DHX30: variants seen among roughly 807,000 people sequenced by gnomAD.
The protein encoded by DHX30 is ATP-dependent RNA helicase DHX30.
Under a neutral mutation model 116.9 loss-of-function variants are expected in DHX30, and 4 were observed. The observed-to-expected ratio is 0.03, with a 90% CI of 0.02 to 0.08. The LOEUF is 0.08. DHX30 is among the 10% of genes least tolerant of loss of function. The pLI, the probability that DHX30 is intolerant of heterozygous loss-of-function variation, is 1.00. For missense variants in DHX30, 871 were observed against 1,595.1 expected (o/e 0.55, Z 7.73); for synonymous variants, 697 against 651.7 (o/e 1.07, Z -1.06).
chr3:47,835,114 C>T (rs1266293699), intron 6 of DHX30, among the ~76,000 whole-genome samples: 2 of 151,606 alleles, frequency 1.3e-5, no homozygotes, highest in African/African-American at 4.8e-5. Context: ...AGCAATTCTC[C>T]TGCCTCAGCC....
rs573993864 is a variant in DHX30, at chr3:47,816,561, T to C, written c.29-1461T>C. 1,337 of 955,640 alleles carry C rather than the reference T, an allele frequency of 1.4e-3. 2 individuals are homozygous for C. Among genetic ancestry groups the C allele is most frequent in the Non-Finnish European group, 1.6e-3 (1,248 of 803,056 alleles). 59.2% of individuals were successfully genotyped at this position (955,640 alleles called of 1,614,324 possible). A position where few individuals can be genotyped will look rare whatever the true frequency, so the allele number is the denominator to read the frequency against. ...TTAGTAGAGACGGGGTTTCACCATG[T>C]TGGCCAGGATGGTCTCGATCTCTTG... On this transcript the variant is annotated intron_variant, in intron 3 of 21. Transcript: ENST00000445061.
At chr3:47,811,710 G>A (rs2035796710) in intron 3 of DHX30, among the ~76,000 whole-genome samples, 1 of 152,124 alleles carries the variant, frequency 6.6e-6, no homozygotes, top group Non-Finnish European at 1.5e-5. Context: ...GCGGGAGCAG[G>A]CGTGTCACGT....
Position 47,827,453 on chromosome 3 carries a change from G to T in DHX30, c.231G>T (p.Val77=), listed in dbSNP as rs747884494. Reference sequence around the variant, plus strand: ...ATGCAAAAGACAAACTAGTCTACGTGCACACAAATGGACCGAAGAAAAAGG... The same window carrying T: ...ATGCAAAAGACAAACTAGTCTACGTTCACACAAATGGACCGAAGAAAAAGG... ...ISHAKDKLVY[V]HTNGPKKKKV... The change falls in exon 5 of 22, where the codon GTG becomes GTT. Residue 77 remains valine, a synonymous_variant. Coordinates refer to ENST00000445061, the MANE Select transcript of DHX30 (RefSeq NM_138615.3). 2 of 1,613,452 alleles carry T rather than the reference G, an allele frequency of 1.2e-6. No individual in the cohort carries two copies. Among genetic ancestry groups the T allele is most frequent in the African/African-American group, 2.7e-5 (2 of 74,850 alleles).
At chr3:47,825,307 C>T in intron 4 of DHX30, 1 of 540,594 alleles carries the variant, frequency 1.8e-6, no homozygotes, top group East Asian at 3.5e-5. Context: ...GATGGCAGAG[C>T]TAGGGGCGCG....
chr3:47,848,040 C>G lies in DHX30; in HGVS notation c.2286+84C>G. 6.3e-7 allele frequency: 1 copy of G among 1,589,636 alleles called. No individual in the cohort carries two copies. Among genetic ancestry groups the G allele is most frequent in the Non-Finnish European group, 8.6e-7 (1 of 1,163,374 alleles). ...GTCCCCAGCCCAGATCTACCTTAGA[C>G]CTGCTTTGTGTGTCTTCAGAAGGCC... On this transcript the variant is annotated intron_variant, in intron 14 of 21. Coordinates refer to ENST00000445061, the MANE Select transcript of DHX30 (RefSeq NM_138615.3). The surrounding 1 kb of genome is among the most constrained non-coding windows in gnomAD (Gnocchi z 9.4).
At position 47,848,945 on chromosome 3, in the gene DHX30, G is replaced by C; in HGVS notation, c.2795G>C (p.Ser932Thr). The change falls in exon 18 of 22, where the codon AGC (serine) becomes ACC (threonine). Residue 932 changes from serine (S) to threonine (T), a missense_variant. This residue lies in a region of DHX30 where 238 missense variants were observed against 481.0 expected (regional missense o/e 0.49). Coordinates refer to ENST00000445061, the MANE Select transcript of DHX30 (RefSeq NM_138615.3). This position sits in a 1 kb window ranked among gnomAD's most constrained non-coding sequence, Gnocchi z 9.4. ...GTGAAAGCACTGTTGAGCCATGACA[G>C]CGGCAGTGACCACCTGGCCTTTGTG... Reference protein sequence around the residue: ...DKVKALLSHDSGSDHLAFVRA... With the variant: ...DKVKALLSHDTGSDHLAFVRA... 3 of 1,611,272 alleles carry C rather than the reference G, an allele frequency of 1.9e-6. No homozygotes were observed. Among genetic ancestry groups the C allele is most frequent in the Non-Finnish European group, 2.5e-6 (3 of 1,178,242 alleles).
intron 6 of DHX30, among the ~76,000 whole-genome samples, chr3:47,834,579 C>T (rs1476618275): frequency 6.6e-6 from 1 of 152,108 alleles, no homozygotes; most frequent in African/African-American, 2.4e-5. Flanking sequence ...AAGAGATCCT[C>T]CCACCTCAAC....
chr3:47,834,899 A>G (rs1457338287), intron 6 of DHX30, among the ~76,000 whole-genome samples: 2 of 152,206 alleles, frequency 1.3e-5, no homozygotes, highest in East Asian at 1.9e-4. Context: ...AGACATCCCT[A>G]TGAGCTGATG....
At chr3:47,829,310 ATATATTTTTT>A (rs1344073574) in intron 6 of DHX30, among the ~76,000 whole-genome samples, 176 bp downstream of exon 6, 2 of 25,682 alleles carry the variant, frequency 7.8e-5, no homozygotes, top group African/African-American at 1.9e-4. Flanking sequence ...ATATATATAT[ATATATTTTTT>A]TTTTTTTTTT....
rs2037364068 is a variant in DHX30 at position 47,841,275 on chromosome 3, C to A, written c.668+97C>A. 5.4e-6 allele frequency: 8 copies of A among 1,494,914 alleles called. No homozygotes were observed. In the South Asian group the frequency reaches 8.6e-5, roughly 16 times the overall value. The allele number at this position is 1,494,914 out of a possible 1,614,324, so 92.6% of individuals were successfully genotyped here. On this transcript the variant is annotated intron_variant, in intron 7 of 21. Coordinates refer to ENST00000445061, the MANE Select transcript of DHX30 (RefSeq NM_138615.3). ...CTAGCTTTCTCTGAGATGGGAGCGC[C>A]CCTGCCTCACATTTCAGCCTGTGTG...
chr3:47,824,162 C>A (rs2036428438), intron 4 of DHX30, among the ~76,000 whole-genome samples: 1 of 151,932 alleles, frequency 6.6e-6, no homozygotes, highest in Non-Finnish European at 1.5e-5. Flanking sequence ...GACACTATGC[C>A]CGGCTAATTT....
intron 4 of DHX30, among the ~76,000 whole-genome samples, chr3:47,822,675 C>T: frequency 6.6e-6 from 1 of 151,962 alleles, no homozygotes. Context: ...GTACCAGCTG[C>T]TTGGGAGACT....
chr3:47,821,295 C>T (rs577578499), intron 4 of DHX30, among the ~76,000 whole-genome samples: 6 of 149,810 alleles, frequency 4.0e-5, no homozygotes, highest in Non-Finnish European at 7.4e-5. Context: ...GATGGAGTTT[C>T]GCTCTTGTTG....
intron 2 of DHX30, among the ~76,000 whole-genome samples, chr3:47,808,001 C>G (rs2035611023): frequency 6.6e-6 from 1 of 152,042 alleles, no homozygotes; most frequent in Non-Finnish European, 1.5e-5. Context: ...ACGTCCACCT[C>G]CTGGGTTCAA....
rs1341862303 is a variant in DHX30, at chr3:47,848,972, G to A, written c.2822G>A (p.Arg941Gln). Reference sequence around the variant, plus strand: ...GGCAGTGACCACCTGGCCTTTGTGCGGGCTGTCGCCGGCTGGGAGGAGGTG... The same window carrying A: ...GGCAGTGACCACCTGGCCTTTGTGCAGGCTGTCGCCGGCTGGGAGGAGGTG... The part of the protein sequence containing the change: ...DSGSDHLAFV[R>Q]AVAGWEEVLR... The change falls in exon 18 of 22, where the codon CGG (arginine) becomes CAG (glutamine). Residue 941 changes from arginine to glutamine, a missense_variant. Physicochemically the swap from Arg to Gln is conservative, Grantham distance 43 (BLOSUM62 1). Transcript: ENST00000445061. This position sits in a 1 kb window ranked among gnomAD's most constrained non-coding sequence, Gnocchi z 9.4. 4 of 1,613,336 alleles carry A rather than the reference G, an allele frequency of 2.5e-6. No homozygotes were observed. The highest frequency in any genetic ancestry group is 1.1e-5 in the South Asian group (1 of 90,944).
chr3:47,842,016 T>C (rs190767000), intron 8 of DHX30: 1 of 409,512 alleles, frequency 2.4e-6, no homozygotes, highest in East Asian at 4.4e-5. Context: ...GAGGTGTGGG[T>C]CTTGGTGAGG....
chr3:47,845,789 C>T lies in DHX30; in HGVS notation c.1029C>T (p.Arg343=), dbSNP rs2037578071. The T allele has an allele frequency of 3.1e-6, 5 of 1,612,724 alleles. No homozygotes were observed. The highest frequency in any genetic ancestry group is 1.3e-5 in the African/African-American group (1 of 75,038). The change falls in exon 10 of 22, where the codon CGC becomes CGT. Residue 343 remains arginine (R), a synonymous_variant. Coordinates refer to ENST00000445061, the MANE Select transcript of DHX30 (RefSeq NM_138615.3). ...ASLRELGETQ[R]RPCTIQVPEP... is the part of the protein sequence containing the mutation. ...TGCGTGAGCTGGGTGAGACCCAGCG[C>T]CGACCATGCACCATCCAGGTGCCCG...
intron 2 of DHX30, among the ~76,000 whole-genome samples, chr3:47,809,809 C>A (rs1199623797): frequency 6.6e-6 from 1 of 152,136 alleles, no homozygotes; most frequent in African/African-American, 2.4e-5. Context: ...GGACATGATT[C>A]TGATTGGCTA....
At chr3:47,841,457 T>TG (rs142808960) in intron 7 of DHX30, among the ~76,000 whole-genome samples, 160 bp from the exon 8 acceptor site, 1 of 152,236 alleles carries the variant, frequency 6.6e-6, no homozygotes, top group African/African-American at 2.4e-5. Context: ...GCAGTGTGGC[T>TG]GTGGGAGGAG....
Sources: allele counts gnomAD v4.1 joint callset (sites outside exome capture counted in the v4.1 genomes callset), GRCh38; gene constraint gnomAD v4.1.1; regional missense constraint gnomAD v4.1.1; non-coding constraint Gnocchi (gnomAD v3.1); transcripts MANE v1.5; gene names NCBI Gene and HGNC (gene_info 2026-07-23, HGNC 2026-07-21).